Variants in RANBP2 observed in about 807,000 individuals in gnomAD.
RANBP2 encodes RAN binding protein 2.
In RANBP2, 57 loss-of-function variants were observed where a neutral mutation model predicts 303.6. The ratio of observed to expected loss-of-function variants is 0.19; its 90% CI spans 0.15 to 0.23. The LOEUF (loss-of-function observed/expected upper bound fraction) is 0.23, where lower values mean the gene tolerates loss of function less well. Ranked by LOEUF, RANBP2 falls within the 10% of genes least tolerant of loss-of-function variation. RANBP2 has a pLI of 1.00. For missense variants in RANBP2, 3,138 were observed against 3,780.8 expected, an observed-to-expected ratio of 0.83 and a Z score of 4.46; for synonymous variants, 1,167 against 1,301.5, an observed-to-expected ratio of 0.90 and a Z score of 2.23.
the RANBP2 span, among the ~76,000 whole-genome samples, chr2:109,320,378 C>T: frequency 3.3e-5 from 5 of 152,294 alleles, no homozygotes; most frequent in Non-Finnish European, 5.9e-5. Context: ...GCAGGTACAA[C>T]GTTTGATCTC....
At chr2:109,449,247 C>A in the RANBP2 span, 6 of 1,612,654 alleles carry the variant, frequency 3.7e-6, no homozygotes, top group Non-Finnish European at 4.2e-6. Flanking sequence ...CTCTCCATCC[C>A]GCCTGCCTGC....
At chr2:109,612,147 T>G in the RANBP2 span, among the ~76,000 whole-genome samples, 7 of 151,720 alleles carry the variant, frequency 4.6e-5, no homozygotes, top group Non-Finnish European at 7.4e-5. Context: ...TGCAGATATA[T>G]GCAACAACCT....
chr2:108,911,048 G>A, the RANBP2 span: 6 of 1,614,172 alleles, frequency 3.7e-6, no homozygotes, highest in Non-Finnish European at 5.1e-6. Flanking sequence ...CAGGGCAGTG[G>A]CCAGGTGTCC....
the RANBP2 span, among the ~76,000 whole-genome samples, chr2:108,953,935 T>TA: frequency 6.6e-6 from 1 of 152,190 alleles, no homozygotes; most frequent in Non-Finnish European, 1.5e-5. Flanking sequence ...CTACATATTA[T>TA]AAGTGAGACA....
At chr2:109,392,668 G>A in the RANBP2 span, among the ~76,000 whole-genome samples, 4 of 152,108 alleles carry the variant, frequency 2.6e-5, no homozygotes, top group Non-Finnish European at 5.9e-5. Flanking sequence ...ACAGGCGCCT[G>A]CCACCACGCC....
chr2:108,910,669 G>A, the RANBP2 span: 1 of 1,440,762 alleles, frequency 6.9e-7, no homozygotes, highest in Non-Finnish European at 9.7e-7. Flanking sequence ...AGCACAGTAT[G>A]GTTCAGCATG....
the RANBP2 span, among the ~76,000 whole-genome samples, chr2:109,400,483 G>A: frequency 2.0e-4 from 31 of 151,426 alleles, no homozygotes; most frequent in Admixed American, 1.8e-3. Context: ...GCACACACAT[G>A]CGTACAGGTG....
At chr2:109,425,884 TTTTCTTTCTTTC>T in the RANBP2 span, among the ~76,000 whole-genome samples, 1 of 152,032 alleles carries the variant, frequency 6.6e-6, no homozygotes, top group Non-Finnish European at 1.5e-5. Context: ...AAGTACATCT[TTTTCTTTCTTTC>T]TTTCTTTCTT....
At chr2:108,912,775 AAT>A in the RANBP2 span, 2 of 1,579,540 alleles carry the variant, frequency 1.3e-6, no homozygotes, top group African/African-American at 2.7e-5. Flanking sequence ...CTGCAAGGAA[AAT>A]AGAGTCCCTC....
chr2:109,384,379 G>A, the RANBP2 span, among the ~76,000 whole-genome samples: 101 of 152,246 alleles, frequency 6.6e-4, 2 homozygotes, highest in South Asian at 0.018. Flanking sequence ...TCCTGTCAGC[G>A]CTCGGGACTT....
chr2:108,998,819 C>CA, the RANBP2 span, among the ~76,000 whole-genome samples: 1 of 151,804 alleles, frequency 6.6e-6, no homozygotes, highest in Admixed American at 6.6e-5. Flanking sequence ...CAAGTAAACA[C>CA]AAAAAATGGC....
chr2:109,364,276 C>A, the RANBP2 span, among the ~76,000 whole-genome samples: 3 of 151,974 alleles, frequency 2.0e-5, no homozygotes, highest in Non-Finnish European at 4.4e-5. Flanking sequence ...CTAATAAGCA[C>A]GTCGAAGGCA....
chr2:109,742,827 G>C, the RANBP2 span, among the ~76,000 whole-genome samples: 1 of 148,504 alleles, frequency 6.7e-6, no homozygotes, highest in African/African-American at 2.6e-5. Flanking sequence ...GGACAATGTG[G>C]TATTAGCAGA....
At chr2:109,539,108 AC>A in the RANBP2 span, among the ~76,000 whole-genome samples, 150 of 152,048 alleles carry the variant, frequency 9.9e-4, no homozygotes, top group African/African-American at 3.6e-3. Context: ...GACCAGCCTG[AC>A]CAATATGGTG....
At chr2:109,634,303 C>T in the RANBP2 span, among the ~76,000 whole-genome samples, 5 of 151,898 alleles carry the variant, frequency 3.3e-5, no homozygotes, top group Non-Finnish European at 7.4e-5. Flanking sequence ...CCCACACCTA[C>T]ACACATCATA....
chr2:109,171,628 A>G, the RANBP2 span, among the ~76,000 whole-genome samples: 1 of 152,196 alleles, frequency 6.6e-6, no homozygotes, highest in Non-Finnish European at 1.5e-5. Flanking sequence ...CCTCTGAGAC[A>G]TTTCCTGTGC....
the RANBP2 span, among the ~76,000 whole-genome samples, chr2:109,596,499 C>T: frequency 1.3e-5 from 2 of 151,970 alleles, no homozygotes; most frequent in Non-Finnish European, 2.9e-5. Context: ...CACCTGTAGT[C>T]CCAGCTACTC....
At chr2:108,961,907 C>T in the RANBP2 span, among the ~76,000 whole-genome samples, 1 of 152,204 alleles carries the variant, frequency 6.6e-6, no homozygotes, top group Non-Finnish European at 1.5e-5. Context: ...GGCCAACTCT[C>T]ATTTTTCCAA....
the RANBP2 span, among the ~76,000 whole-genome samples, chr2:109,578,737 AGCCTG>A: frequency 6.6e-6 from 1 of 152,168 alleles, no homozygotes; most frequent in Non-Finnish European, 1.5e-5. Context: ...ACTGCACTCT[AGCCTG>A]GCCAACAAAG....
Sources: allele counts gnomAD v4.1 joint callset (sites outside exome capture counted in the v4.1 genomes callset), GRCh38; gene constraint gnomAD v4.1.1; transcripts MANE v1.5; gene names NCBI Gene and HGNC (gene_info 2026-07-23, HGNC 2026-07-21).